The following SOX5 variants were observed in gnomAD, a reference collection of about 807,000 sequenced individuals.
The protein encoded by SOX5 is transcription factor SOX-5.
SOX5 carries 9 observed loss-of-function variants against 92.0 expected under a neutral mutation model. The observed-to-expected ratio is 0.10, with a 90% CI of 0.06 to 0.17. The LOEUF (loss-of-function observed/expected upper bound fraction) is 0.17, where lower values mean the gene tolerates loss of function less well. Ranked by LOEUF, SOX5 falls within the 10% of genes least tolerant of loss-of-function variation. SOX5 has a pLI of 1.00. For missense variants in SOX5, 642 were observed against 944.5 expected (o/e 0.68, Z 4.20); for synonymous variants, 344 against 336.3 (o/e 1.02, Z -0.25).
chr12:23,828,345 CAT>C (rs200993673), intron 3 of SOX5, among the ~76,000 whole-genome samples: 1,673 of 152,192 alleles, frequency 0.011, 18 homozygotes, highest in Middle Eastern at 0.027. Context: ...CACACACACA[CAT>C]GTATGTGTAT....
chr12:23,710,655 G>A (rs968048194), intron 6 of SOX5, among the ~76,000 whole-genome samples: 2 of 152,186 alleles, frequency 1.3e-5, no homozygotes, highest in Non-Finnish European at 2.9e-5. Flanking sequence ...GGACATTTGG[G>A]TTGGTTCCAA....
At chr12:24,362,119 T>C (rs1307374743) in intron 2 of SOX5, among the ~76,000 whole-genome samples, 3 of 152,220 alleles carry the variant, frequency 2.0e-5, no homozygotes, top group Non-Finnish European at 4.4e-5. Flanking sequence ...GCTAGGCAAA[T>C]AAGTGTTTTG....
chr12:24,400,124 G>A (rs1044725068), intron 1 of SOX5, among the ~76,000 whole-genome samples: 1 of 152,138 alleles, frequency 6.6e-6, no homozygotes, highest in African/African-American at 2.4e-5. Context: ...AGTAACTCAA[G>A]TTTTAATAGA....
intron 3 of SOX5, among the ~76,000 whole-genome samples, chr12:23,828,955 G>A (rs997464505): frequency 1.3e-5 from 2 of 152,022 alleles, no homozygotes; most frequent in South Asian, 4.1e-4. Context: ...GCTCCTTCAC[G>A]ATGCTGGCCA....
intron 1 of SOX5, among the ~76,000 whole-genome samples, chr12:23,918,002 C>A (rs1004080495): frequency 6.6e-6 from 1 of 152,032 alleles, no homozygotes; most frequent in Non-Finnish European, 1.5e-5. Context: ...ATACAGTATA[C>A]GTTCCTTCAT....
At chr12:23,875,120 C>T (rs1309602219) in intron 2 of SOX5, among the ~76,000 whole-genome samples, 2 of 152,114 alleles carry the variant, frequency 1.3e-5, no homozygotes, top group African/African-American at 4.8e-5. Context: ...TAATGTCACA[C>T]CTGTAACTAA....
At chr12:23,888,610 C>G (rs986436770) in intron 2 of SOX5, among the ~76,000 whole-genome samples, 6 of 152,168 alleles carry the variant, frequency 3.9e-5, no homozygotes, top group African/African-American at 1.4e-4. Context: ...GATTGCACAA[C>G]TTATCCAGTG....
At chr12:24,077,346 T>C (rs528711417) in intron 4 of SOX5, among the ~76,000 whole-genome samples, 1 of 152,272 alleles carries the variant, frequency 6.6e-6, no homozygotes, top group South Asian at 2.1e-4. Flanking sequence ...TGAAAACCTT[T>C]GGAGACTGGC....
chr12:23,900,706 T>A (rs1035014827), intron 1 of SOX5, among the ~76,000 whole-genome samples: 2 of 152,126 alleles, frequency 1.3e-5, no homozygotes, highest in East Asian at 3.9e-4. Context: ...CCAAGTGCAG[T>A]GACTCATGCC....
chr12:24,552,468 A>G (rs1953291699), intron 1 of SOX5, among the ~76,000 whole-genome samples: 2 of 152,232 alleles, frequency 1.3e-5, no homozygotes. Flanking sequence ...GATGAGACCC[A>G]GAAAGCCCCA....
chr12:24,045,393 G>C (rs550629515), intron 4 of SOX5, among the ~76,000 whole-genome samples: 2 of 152,100 alleles, frequency 1.3e-5, no homozygotes, highest in Admixed American at 6.6e-5. Flanking sequence ...AGACCTCCCA[G>C]GCTCAAGAAA....
intron 4 of SOX5, among the ~76,000 whole-genome samples, chr12:24,197,065 T>A (rs1957074030): frequency 6.6e-6 from 1 of 152,184 alleles, no homozygotes; most frequent in Non-Finnish European, 1.5e-5. Flanking sequence ...AATGTACAAC[T>A]CAGAATGGCC....
intron 2 of SOX5, among the ~76,000 whole-genome samples, chr12:23,888,853 C>A (rs1002556542): frequency 3.3e-5 from 5 of 152,116 alleles, no homozygotes; most frequent in African/African-American, 1.2e-4. Flanking sequence ...CCATAAAAAA[C>A]AAATACTCGC....
intron 9 of SOX5, among the ~76,000 whole-genome samples, chr12:23,580,807 A>T (rs1949936855): frequency 1.3e-5 from 2 of 152,060 alleles, no homozygotes; most frequent in South Asian, 4.1e-4. Context: ...AACACTATAG[A>T]GGCCTTAATC....
At chr12:24,199,078 GGA>G (rs1237412883) in intron 4 of SOX5, among the ~76,000 whole-genome samples, 1 of 152,156 alleles carries the variant, frequency 6.6e-6, no homozygotes, top group Non-Finnish European at 1.5e-5. Context: ...GTTAGTCGAG[GGA>G]GAGCACTGTC....
At chr12:24,141,685 T>C (rs1950596959) in intron 4 of SOX5, among the ~76,000 whole-genome samples, 1 of 149,968 alleles carries the variant, frequency 6.7e-6, no homozygotes, top group South Asian at 2.2e-4. Context: ...GATTTCCCTC[T>C]CAAATGCTAT....
At chr12:24,400,676 T>C (rs1290651285) in intron 1 of SOX5, among the ~76,000 whole-genome samples, 2 of 152,220 alleles carry the variant, frequency 1.3e-5, no homozygotes, top group African/African-American at 2.4e-5. Context: ...TTCAGTGTAA[T>C]AGTCCTGCTG....
intron 3 of SOX5, among the ~76,000 whole-genome samples, chr12:24,256,965 A>C (rs1268442728): frequency 1.3e-5 from 2 of 152,204 alleles, no homozygotes; most frequent in South Asian, 4.1e-4. Context: ...GAGCCCCTTG[A>C]AAGAGCCCAC....
intron 4 of SOX5, among the ~76,000 whole-genome samples, chr12:24,001,117 G>A (rs767616962): frequency 1.3e-5 from 2 of 152,102 alleles, no homozygotes; most frequent in Non-Finnish European, 2.9e-5. Context: ...TTGAGACAGG[G>A]TCTTGCTCTG....
Sources: gnomAD v4.1 joint callset for allele counts (sites outside exome capture counted in the v4.1 genomes callset) on GRCh38, gnomAD v4.1.1 for gene constraint, MANE v1.5 for transcripts, NCBI Gene and HGNC (gene_info 2026-07-23, HGNC 2026-07-21) for gene names.